The following RRP1B variants were observed in gnomAD, a reference collection of about 807,000 sequenced individuals.
RRP1B encodes the protein ribosomal RNA processing 1B, also known as ribosomal RNA processing protein 1 homolog B.
RRP1B carries 56 observed loss-of-function variants against 80.2 expected under a neutral mutation model. That is an observed-to-expected ratio of 0.70 (90% CI 0.56 to 0.87). RRP1B has a LOEUF of 0.87. RRP1B is among the 40% of genes least tolerant of loss of function. The pLI is 0.00. For missense variants in RRP1B, 807 were observed against 939.8 expected (o/e 0.86, Z 1.85); for synonymous variants, 351 against 357.6 (o/e 0.98, Z 0.21).
chr21:43,676,634 C>T lies in RRP1B; in HGVS notation c.615-99C>T, dbSNP rs1050004784. ...GCTGGCCCGTGGGGGCCACTCCAGA[C>T]CACAGCAACGTGTGCAGGGCTTCCC... On this transcript the variant is annotated intron_variant, in intron 7 of 15. Transcript: ENST00000340648. 1.2e-5 allele frequency: 14 copies of T among 1,171,672 alleles called. No homozygotes were observed. In the South Asian group the frequency reaches 1.9e-4, roughly 16 times the overall value. 72.6% of individuals were successfully genotyped at this position (1,171,672 alleles called of 1,614,324 possible).
rs2083071254 is a variant in RRP1B, at chr21:43,688,045, G to C, written c.1671G>C (p.Gly557=). The change falls in exon 13 of 16, where the codon GGG becomes GGC. Residue 557 remains glycine (G), a synonymous_variant. Transcript: ENST00000340648. ...GCCCTCCCACAGGCCCCGCAGAGGG[G>C]GCGAACAGCCACACCACGCTGCCCC... is the stretch of plus-strand genomic sequence containing the variant. ...QEGPPTGPAE[G]ANSHTTLPQR... The C allele has an allele frequency of 6.2e-7, 1 of 1,612,056 alleles. No homozygotes were observed. The highest frequency in any genetic ancestry group is 8.5e-7 in the Non-Finnish European group (1 of 1,179,418).
At position 43,659,668 on chromosome 21, in the gene RRP1B, G is replaced by C; in HGVS notation, c.4G>C (p.Ala2Pro). 2.7e-6 allele frequency: 4 copies of C among 1,507,870 alleles called. No homozygotes were observed. Among genetic ancestry groups the C allele is most frequent in the Non-Finnish European group, 3.5e-6 (4 of 1,127,456 alleles). The allele number at this position is 1,507,870 out of a possible 1,614,324, so 93.4% of individuals were successfully genotyped here. A position where few individuals can be genotyped will look rare whatever the true frequency, so the allele number is the denominator to read the frequency against. ...CGGGGATGCTCCAGCGGGCGCGATG[G>C]CCCCCGCCATGCAGCCGGCCGAGAT... M[A>P]PAMQPAEIQF... The change falls in exon 1 of 16, where the codon GCC (alanine) becomes CCC (proline). Residue 2 changes from alanine to proline, a missense_variant. Coordinates refer to ENST00000340648, the MANE Select transcript of RRP1B (RefSeq NM_015056.3). This position sits in a 1 kb window ranked among gnomAD's most constrained non-coding sequence, Gnocchi z 4.2.
rs1286892519 is a variant in RRP1B, at chr21:43,693,555, G to A, written c.*172G>A. ...GTCCTGGCCCCTCTGTAGTGGCTGC[G>A]GGCGTCTTGGTTGAATCTTTTGCTA... On this transcript the variant is annotated 3_prime_UTR_variant, in exon 16 of 16. Coordinates refer to ENST00000340648, the MANE Select transcript of RRP1B (RefSeq NM_015056.3). This position sits in a 1 kb window ranked among gnomAD's most constrained non-coding sequence, Gnocchi z 4.1. 1.6e-5 allele frequency: 9 copies of A among 566,322 alleles called. No individual in the cohort carries two copies. The highest frequency in any genetic ancestry group is 2.3e-5 in the Non-Finnish European group (8 of 342,576). 35.1% of individuals were successfully genotyped at this position (566,322 alleles called of 1,614,324 possible). A position where few individuals can be genotyped will look rare whatever the true frequency, so the allele number is the denominator to read the frequency against.
At chr21:43,685,168 G>A (rs1342329665) in intron 10 of RRP1B, among the ~76,000 whole-genome samples, 1 of 152,144 alleles carries the variant, frequency 6.6e-6, no homozygotes. Context: ...TAGGAGCCGG[G>A]CACTGCTCTG....
In RRP1B at chr21:43,675,014, G is replaced by C. The variant is rs1164800017; in HGVS notation, c.420-20G>C. 1 of 1,613,286 alleles carries C rather than the reference G, an allele frequency of 6.2e-7. No homozygotes were observed. Among genetic ancestry groups the C allele is most frequent in the Non-Finnish European group, 8.5e-7 (1 of 1,179,618 alleles). On this transcript the variant is annotated intron_variant, in intron 5 of 15. Transcript: ENST00000340648. ...TGTTGGCATACTGTCATTCACAGAA[G>C]CATGCGTTTGGTTCTTTAGCCGAAT...
At chr21:43,664,910 T>C (rs556099708) in intron 1 of RRP1B, among the ~76,000 whole-genome samples, 1 of 151,060 alleles carries the variant, frequency 6.6e-6, no homozygotes, top group East Asian at 2.0e-4. Flanking sequence ...GAAAAACCCG[T>C]CCCCGTGATT....
rs1204529057 is a variant in RRP1B, at chr21:43,694,785, C to T, written c.*1402C>T. On this transcript the variant is annotated 3_prime_UTR_variant, in exon 16 of 16. Coordinates refer to ENST00000340648, the MANE Select transcript of RRP1B (RefSeq NM_015056.3). ...GGCCCCAGGATCTCCAAGGTCCCAG[C>T]TATGGCTTTGGACAACGTGGCTTCG... The T allele has an allele frequency of 6.6e-6, 1 of 152,328 alleles. No homozygotes were observed. Among genetic ancestry groups the T allele is most frequent in the Non-Finnish European group, 1.5e-5 (1 of 68,114 alleles). The allele number at this position is 152,328 out of a possible 1,614,324, so 9.4% of individuals were successfully genotyped here. A position where few individuals can be genotyped will look rare whatever the true frequency, so the allele number is the denominator to read the frequency against.
At position 43,659,721 on chromosome 21, in the gene RRP1B, C is replaced by A; in HGVS notation, c.57C>A (p.Ser19Arg). 6.5e-7 allele frequency: 1 copy of A among 1,533,218 alleles called. No individual in the cohort carries two copies. Among genetic ancestry groups the A allele is most frequent in the Admixed American group, 2.0e-5 (1 of 49,716 alleles). The allele number at this position is 1,533,218 out of a possible 1,614,324, so 95.0% of individuals were successfully genotyped here. A position where few individuals can be genotyped will look rare whatever the true frequency, so the allele number is the denominator to read the frequency against. The change falls in exon 1 of 16, where the codon AGC becomes AGA. Residue 19 changes from serine (S) to arginine (R), a missense_variant. Coordinates refer to ENST00000340648, the MANE Select transcript of RRP1B (RefSeq NM_015056.3). This position sits in a 1 kb window ranked among gnomAD's most constrained non-coding sequence, Gnocchi z 4.2. ...EIQFAQRLAS[S>R]EKGIRDRAVK... ...AATTTGCCCAGCGGCTGGCGTCCAG[C>A]GAGAAGGGCATCCGGGACCGAGCGG...
In RRP1B at chr21:43,664,942, C is replaced by T. The variant is rs560094161; in HGVS notation, c.131-4942C>T. On this transcript the variant is annotated intron_variant, in intron 1 of 15. Coordinates refer to ENST00000340648, the MANE Select transcript of RRP1B (RefSeq NM_015056.3). ...GATTCAGTTACCTCCCACTGGGTCCCTCCCACCACGTGGGGATTATTACAA... is the reference window on the plus strand; with the variant it reads ...GATTCAGTTACCTCCCACTGGGTCCTTCCCACCACGTGGGGATTATTACAA... 1.5e-4 allele frequency among the ~76,000 whole-genome samples: 11 copies of T among 74,088 alleles called. No individual in the cohort carries two copies. The Admixed American group carries it at 1.8e-3, about 12-fold the overall frequency. The allele number at this position is 74,088 out of a possible 152,430, so 48.6% of individuals were successfully genotyped here.
chr21:43,688,844 C>G (rs1241018598), intron 13 of RRP1B, among the ~76,000 whole-genome samples: 2 of 152,302 alleles, frequency 1.3e-5, no homozygotes, highest in East Asian at 3.9e-4. Flanking sequence ...GGCTGGAGTG[C>G]GGTGGCACAA....
rs548781914 is a variant in RRP1B at position 43,693,474 on chromosome 21, T to C, written c.*91T>C. 1 of 1,289,794 alleles carries C rather than the reference T, an allele frequency of 7.8e-7. No homozygotes were observed. Among genetic ancestry groups the C allele is most frequent in the African/African-American group, 1.5e-5 (1 of 66,236 alleles). The allele number at this position is 1,289,794 out of a possible 1,614,324, so 79.9% of individuals were successfully genotyped here. On this transcript the variant is annotated 3_prime_UTR_variant, in exon 16 of 16. Coordinates refer to ENST00000340648, the MANE Select transcript of RRP1B (RefSeq NM_015056.3). The surrounding 1 kb of genome is among the most constrained non-coding windows in gnomAD (Gnocchi z 4.1). Reference sequence around the variant, plus strand: ...GAATGTGGGGCCTTTTTTATGATTTTGTAAGTTCCCATAAGTTGTGTGCAC... The same window carrying C: ...GAATGTGGGGCCTTTTTTATGATTTCGTAAGTTCCCATAAGTTGTGTGCAC...
chr21:43,688,643 C>T (rs1201571202), intron 13 of RRP1B, among the ~76,000 whole-genome samples: 1 of 152,230 alleles, frequency 6.6e-6, no homozygotes, highest in East Asian at 1.9e-4. Context: ...AATTCTCTTG[C>T]TTCACTCACC....
intron 1 of RRP1B, among the ~76,000 whole-genome samples, chr21:43,662,979 A>G (rs116197239): frequency 0.012 from 1,878 of 152,348 alleles, 40 homozygotes; most frequent in African/African-American, 0.042. Flanking sequence ...ATACAAAATA[A>G]CAGTACATCT....
intron 6 of RRP1B, among the ~76,000 whole-genome samples, chr21:43,675,440 G>A (rs2083017959): frequency 6.6e-6 from 1 of 152,092 alleles, no homozygotes; most frequent in African/African-American, 2.4e-5. Flanking sequence ...CAGGATCTAG[G>A]GAGCTTTATA....
Position 43,688,226 on chromosome 21 carries a change from C to T in RRP1B, c.1852C>T (p.Gln618Ter), listed in dbSNP as rs2083072393. 8 of 1,555,256 alleles carry T rather than the reference C, an allele frequency of 5.1e-6. No homozygotes were observed. Among genetic ancestry groups the T allele is most frequent in the African/African-American group, 1.4e-5 (1 of 73,888 alleles). Residue 618 changes from glutamine (Q) to a stop codon, truncating the protein, a stop_gained, in exon 13 of 16, where the codon CAA becomes TAA. Transcript: ENST00000340648. LOFTEE classifies it high-confidence loss of function. The part of the protein sequence containing the change: ...HNGVLESEAG[Q>*]PQALGSSGTC... ...CGGGGTGCTGGAGTCCGAAGCTGGG[C>T]AACCCCAGGCTCTGGTAAGGTGGGA...
At position 43,693,603 on chromosome 21, in the gene RRP1B, T is replaced by C. The variant is rs1357296207; in HGVS notation, c.*220T>C. On this transcript the variant is annotated 3_prime_UTR_variant, in exon 16 of 16. Coordinates refer to ENST00000340648, the MANE Select transcript of RRP1B (RefSeq NM_015056.3). The surrounding 1 kb of genome is among the most constrained non-coding windows in gnomAD (Gnocchi z 4.1). ...CTACAAACCATGTTTGCGTTTGAGC[T>C]CTCCAGGATTTTACATTTTTGGGTA... 9 of 479,804 alleles carry C rather than the reference T, an allele frequency of 1.9e-5. No homozygotes were observed. The highest frequency in any genetic ancestry group is 2.9e-5 in the Non-Finnish European group (8 of 277,798). The allele number at this position is 479,804 out of a possible 1,614,324, so 29.7% of individuals were successfully genotyped here. A position where few individuals can be genotyped will look rare whatever the true frequency, so the allele number is the denominator to read the frequency against.
intron 8 of RRP1B, among the ~76,000 whole-genome samples, chr21:43,679,119 A>ATACCAG (rs1358831105): frequency 2.0e-5 from 3 of 151,904 alleles, no homozygotes; most frequent in Non-Finnish European, 4.4e-5. Flanking sequence ...GCCTATTTTT[A>ATACCAG]TACCAGTACC....
chr21:43,670,788 G>A (rs986207830), intron 2 of RRP1B, among the ~76,000 whole-genome samples: 4 of 152,172 alleles, frequency 2.6e-5, no homozygotes, highest in Non-Finnish European at 5.9e-5. Flanking sequence ...CACCCCTGAG[G>A]TAGAGGAACC....
intron 1 of RRP1B, among the ~76,000 whole-genome samples, chr21:43,661,030 T>TC (rs927131471): frequency 1.3e-5 from 2 of 152,114 alleles, no homozygotes; most frequent in Non-Finnish European, 2.9e-5. Flanking sequence ...AGATATTATC[T>TC]CCCCCATCAC....
Sources: gnomAD v4.1 joint callset for allele counts (sites outside exome capture counted in the v4.1 genomes callset) on GRCh38, gnomAD v4.1.1 for gene constraint, Gnocchi (gnomAD v3.1) non-coding constraint, MANE v1.5 for transcripts, NCBI Gene and HGNC (gene_info 2026-07-23, HGNC 2026-07-21) for gene names.